Variants in MICU3 observed in about 807,000 individuals in gnomAD.
MICU3 encodes the protein mitochondrial calcium uptake 3.
MICU3 carries 62 observed loss-of-function variants against 66.5 expected under a neutral mutation model. The ratio of observed to expected loss-of-function variants is 0.93; its 90% CI spans 0.76 to 1.15. The LOEUF is 1.15. Ranked by LOEUF, MICU3 falls within the 50% of genes most tolerant of loss-of-function variation. MICU3 has a pLI of 0.00. For missense variants in MICU3, 779 were observed against 664.4 expected (o/e 1.17, Z -1.90); for synonymous variants, 308 against 240.7 (o/e 1.28, Z -2.59).
At chr8:17,077,934 A>G in intron 4 of MICU3, 73 bp downstream of exon 4, 3 of 880,286 alleles carry the variant, frequency 3.4e-6, no homozygotes, top group Non-Finnish European at 5.0e-6. Flanking sequence ...ATATTTTCCC[A>G]TACCTAAAAT....
intron 8 of MICU3, among the ~76,000 whole-genome samples, chr8:17,095,342 GTTTTCT>G (rs1800557993): frequency 6.6e-6 from 1 of 151,806 alleles, no homozygotes; most frequent in Admixed American, 6.6e-5. Context: ...ATTGTATTCA[GTTTTCT>G]TTTTCTTTTT....
chr8:17,056,240 CTCT>C (rs1471532547), intron 1 of MICU3, among the ~76,000 whole-genome samples: 2 of 152,206 alleles, frequency 1.3e-5, no homozygotes, highest in South Asian at 2.1e-4. Context: ...TATCTACTTA[CTCT>C]TCTTTGAATA....
chr8:17,043,933 A>C (rs541023595), intron 1 of MICU3, among the ~76,000 whole-genome samples: 4 of 152,360 alleles, frequency 2.6e-5, no homozygotes, highest in South Asian at 4.1e-4. Flanking sequence ...ATGTGTATTA[A>C]ATAGTGAACT....
chr8:17,054,552 G>A (rs1816599368), intron 1 of MICU3, among the ~76,000 whole-genome samples: 1 of 152,044 alleles, frequency 6.6e-6, no homozygotes, highest in Admixed American at 6.6e-5. Flanking sequence ...AGACCTGTAG[G>A]TAGTTCAGTC....
At chr8:17,040,154 C>T (rs1482710521) in intron 1 of MICU3, among the ~76,000 whole-genome samples, 2 of 152,002 alleles carry the variant, frequency 1.3e-5, no homozygotes, top group South Asian at 2.1e-4. Flanking sequence ...GTGATCCGCC[C>T]ACCTCGGCCT....
At chr8:17,137,845 T>C in the MICU3 span, among the ~76,000 whole-genome samples, 1 of 151,084 alleles carries the variant, frequency 6.6e-6, no homozygotes, top group East Asian at 1.9e-4. Flanking sequence ...GCCTCCTGAG[T>C]AGCTGGGACT....
rs1256125714 is a variant in MICU3 at position 17,121,643 on chromosome 8, T to C, written c.*1356T>C. On this transcript the variant is annotated 3_prime_UTR_variant, in exon 15 of 15. Coordinates refer to ENST00000318063, the MANE Select transcript of MICU3 (RefSeq NM_181723.3). The stretch of plus-strand genomic sequence containing the variant: ...GCATATGAAACTAGAAAACACTGAC[T>C]TTGTTTTTATAAGTTATTAAATGTG... The C allele has an allele frequency of 6.6e-6, 1 of 152,276 alleles. No homozygotes were observed. Among genetic ancestry groups the C allele is most frequent in the African/African-American group, 2.4e-5 (1 of 41,450 alleles). The allele number at this position is 152,276 out of a possible 1,614,324, so 9.4% of individuals were successfully genotyped here.
At position 17,114,202 on chromosome 8, in the gene MICU3, G is replaced by T; in HGVS notation, c.1366+1G>T. 1 of 1,566,828 alleles carries T rather than the reference G, an allele frequency of 6.4e-7. No homozygotes were observed. ...TTTGCAAGTCGTTCTATAGGGCAAG[G>T]TAAGTAATCATCTACAAAAATTAAA... On this transcript the variant is annotated splice_donor_variant, in intron 12 of 14. Transcript: ENST00000318063. LOFTEE classifies it high-confidence loss of function.
At chr8:17,081,973 C>T (rs897851662) in intron 5 of MICU3, 10 of 309,936 alleles carry the variant, frequency 3.2e-5, no homozygotes, top group South Asian at 1.4e-4. Context: ...TTTAATATTA[C>T]GTGTCAATTC....
chr8:17,040,454 G>T (rs1017601399), intron 1 of MICU3, among the ~76,000 whole-genome samples: 2 of 152,110 alleles, frequency 1.3e-5, no homozygotes, highest in African/African-American at 2.4e-5. Context: ...GAGATCAGAA[G>T]ATCACATAAA....
chr8:17,046,961 C>T (rs1563288340), intron 1 of MICU3, among the ~76,000 whole-genome samples: 1 of 152,066 alleles, frequency 6.6e-6, no homozygotes, highest in Non-Finnish European at 1.5e-5. Flanking sequence ...GAAGGAAAAG[C>T]CCTTAACACT....
the MICU3 span, among the ~76,000 whole-genome samples, chr8:17,135,012 A>G: frequency 6.6e-6 from 1 of 152,232 alleles, no homozygotes; most frequent in Non-Finnish European, 1.5e-5. Flanking sequence ...TATTCTACTT[A>G]CAAGTCAAGA....
At chr8:17,097,949 G>T (rs988359686) in intron 8 of MICU3, among the ~76,000 whole-genome samples, 6 of 151,726 alleles carry the variant, frequency 4.0e-5, no homozygotes, top group Admixed American at 4.0e-4. Context: ...CTTAAAACAG[G>T]TCTATTTCTT....
chr8:17,128,722 G>A, the MICU3 span, among the ~76,000 whole-genome samples: 1 of 152,118 alleles, frequency 6.6e-6, no homozygotes, highest in Non-Finnish European at 1.5e-5. Flanking sequence ...TCCTGGAAGG[G>A]CTTTCCAAAC....
chr8:17,133,290 C>A, the MICU3 span, among the ~76,000 whole-genome samples: 1 of 152,144 alleles, frequency 6.6e-6, no homozygotes, highest in Non-Finnish European at 1.5e-5. Context: ...CCACTATTAA[C>A]AGAAGCTAGA....
chr8:17,133,511 A>G, the MICU3 span, among the ~76,000 whole-genome samples: 2 of 152,034 alleles, frequency 1.3e-5, no homozygotes, highest in African/African-American at 4.8e-5. Context: ...ATATATCTCA[A>G]AGATTTTCAT....
intron 4 of MICU3, among the ~76,000 whole-genome samples, chr8:17,079,178 A>G (rs957726482): frequency 1.3e-4 from 20 of 152,082 alleles, no homozygotes; most frequent in African/African-American, 4.3e-4. Context: ...GATAGAATCT[A>G]TGCTGCACCA....
intron 1 of MICU3, among the ~76,000 whole-genome samples, chr8:17,056,652 C>G (rs1816979054): frequency 6.6e-6 from 1 of 152,140 alleles, no homozygotes; most frequent in South Asian, 2.1e-4. Context: ...TAGGATTTAT[C>G]CAGATACTGT....
intron 2 of MICU3, 38 bp downstream of exon 2, chr8:17,064,275 A>G (rs764065724): frequency 6.5e-7 from 1 of 1,531,986 alleles, no homozygotes; most frequent in South Asian, 1.2e-5. Flanking sequence ...TAATTGTATA[A>G]TTTTTTTATC....
Sources: gnomAD v4.1 joint callset for allele counts (sites outside exome capture counted in the v4.1 genomes callset) on GRCh38, gnomAD v4.1.1 for gene constraint, MANE v1.5 for transcripts, NCBI Gene and HGNC (gene_info 2026-07-23, HGNC 2026-07-21) for gene names.